PLSCR1: variants seen among roughly 807,000 people sequenced by gnomAD.
The protein encoded by PLSCR1 is phospholipid scramblase 1.
In PLSCR1, 17 loss-of-function variants were observed where a neutral mutation model predicts 37.8. That is an observed-to-expected ratio of 0.45 (90% confidence interval 0.31 to 0.68). PLSCR1 has a LOEUF of 0.68. Ranked by LOEUF, PLSCR1 falls within the 30% of genes least tolerant of loss-of-function variation. The pLI is 0.06. For synonymous variants in PLSCR1, 116 were observed against 125.9 expected (o/e 0.92, Z 0.53); for missense variants, 347 against 380.9 (o/e 0.91, Z 0.74).
At chr3:146,531,615 T>C (rs1454962468) in intron 3 of PLSCR1, among the ~76,000 whole-genome samples, 1 of 152,230 alleles carries the variant, frequency 6.6e-6, no homozygotes, top group African/African-American at 2.4e-5. Context: ...CTAGTATCAT[T>C]TATGTAAAGA....
intron 1 of PLSCR1, among the ~76,000 whole-genome samples, chr3:146,541,572 A>G (rs540279396): frequency 9.2e-5 from 14 of 152,322 alleles, no homozygotes; most frequent in African/African-American, 3.1e-4. Context: ...TCTCTAATTC[A>G]CTGAAAAAAG....
At chr3:146,529,581 C>A (rs9864107) in intron 3 of PLSCR1, among the ~76,000 whole-genome samples, 18,765 of 151,314 alleles carry the variant, frequency 0.12, 1,470 homozygotes, top group Non-Finnish European at 0.18. Flanking sequence ...GGCATCATCT[C>A]TGCTCACTGC....
intron 7 of PLSCR1, chr3:146,517,465 AT>A (rs1337411353): frequency 6.2e-6 from 1 of 161,474 alleles, no homozygotes; most frequent in African/African-American, 2.4e-5. Context: ...GCAAAAAAGG[AT>A]ATAAATATGA....
Position 146,515,880 on chromosome 3 carries a change from A to G in PLSCR1, c.*165T>C. On this transcript the variant is annotated 3_prime_UTR_variant, in exon 9 of 9. Coordinates refer to ENST00000342435, the MANE Select transcript of PLSCR1 (RefSeq NM_021105.3). Reference sequence around the variant, plus strand: ...GACAATGAGTATTAAAAAATGTACAAAAACCTTTATAAATCAGTTATACAG... The same window carrying G: ...GACAATGAGTATTAAAAAATGTACAGAAACCTTTATAAATCAGTTATACAG... The G allele has an allele frequency of 2.2e-6, 1 of 454,912 alleles. No homozygotes were observed. Among genetic ancestry groups the G allele is most frequent in the Non-Finnish European group, 3.9e-6 (1 of 254,120 alleles). The allele number at this position is 454,912 out of a possible 1,614,324, so 28.2% of individuals were successfully genotyped here.
chr3:146,528,607 A>G lies in PLSCR1; in HGVS notation c.312+7T>C. 6.2e-7 allele frequency: 1 copy of G among 1,607,714 alleles called. No homozygotes were observed. Among genetic ancestry groups the G allele is most frequent in the Non-Finnish European group, 8.5e-7 (1 of 1,174,134 alleles). ...TTTTTATGAGTATTTTGTGTCTTTG[A>G]AATTACCTGACTTAAATATTCTAAT... On this transcript the variant is annotated splice_region_variant and intron_variant, in intron 4 of 8. Transcript: ENST00000342435.
chr3:146,518,587 C>G (rs2043976979), intron 7 of PLSCR1, among the ~76,000 whole-genome samples: 1 of 151,942 alleles, frequency 6.6e-6, no homozygotes, highest in South Asian at 2.1e-4. Flanking sequence ...TTTTTTAATT[C>G]TGAAATTTAA....
chr3:146,525,728 T>G, intron 4 of PLSCR1, 81 bp from the exon 5 acceptor site: 1 of 649,028 alleles, frequency 1.5e-6, no homozygotes. Context: ...ATTCATGTAT[T>G]TATATTTTTA....
At chr3:146,541,737 T>G (rs898987633) in intron 1 of PLSCR1, among the ~76,000 whole-genome samples, 1 of 152,244 alleles carries the variant, frequency 6.6e-6, no homozygotes, top group Non-Finnish European at 1.5e-5. Context: ...GCTAAGTTCA[T>G]GTGTTGGAAA....
At chr3:146,518,406 C>A (rs1477247784) in intron 7 of PLSCR1, among the ~76,000 whole-genome samples, 1 of 152,172 alleles carries the variant, frequency 6.6e-6, no homozygotes, top group African/African-American at 2.4e-5. Context: ...CACCCATAAG[C>A]ATGAGTATAA....
At chr3:146,538,033 G>A (rs1019874106) in intron 1 of PLSCR1, 18 of 152,124 alleles carry the variant, frequency 1.2e-4, no homozygotes, top group Admixed American at 9.8e-4. Flanking sequence ...TTCAAAATGG[G>A]TTTATGTGGT....
chr3:146,521,799 A>G (rs1384064068), intron 6 of PLSCR1, 34 bp downstream of exon 6: 4 of 1,587,388 alleles, frequency 2.5e-6, no homozygotes, highest in Non-Finnish European at 3.5e-6. Context: ...TTGCTGAACT[A>G]TTTTACAAAG....
At chr3:146,526,738 T>C (rs1290817749) in intron 4 of PLSCR1, among the ~76,000 whole-genome samples, 2 of 152,038 alleles carry the variant, frequency 1.3e-5, no homozygotes, top group Non-Finnish European at 1.5e-5. Context: ...GGCAGCAACA[T>C]GGATGAGCCT....
At chr3:146,537,133 T>A (rs1018901217) in intron 1 of PLSCR1, among the ~76,000 whole-genome samples, 1 of 149,420 alleles carries the variant, frequency 6.7e-6, no homozygotes, top group African/African-American at 2.5e-5. Flanking sequence ...TTTTTTTTTT[T>A]AACCAGAAAA....
rs566049396 is a variant in PLSCR1 at position 146,532,665 on chromosome 3, A to G, written c.94+805T>C. Among the ~76,000 whole-genome samples the G allele has an allele frequency of 3.3e-5, 5 of 152,312 alleles. No homozygotes were observed. In the East Asian group the frequency reaches 9.6e-4, roughly 29 times the overall value. ...GAAAACACAGTGGGTACATCCTTCT[A>G]TCCAAACCACATTCCCTTTGGTCCT... On this transcript the variant is annotated intron_variant, in intron 3 of 8. Coordinates refer to ENST00000342435, the MANE Select transcript of PLSCR1 (RefSeq NM_021105.3).
Position 146,515,994 on chromosome 3 carries a change from C to T in PLSCR1, c.*51G>A. 8.7e-7 allele frequency: 1 copy of T among 1,146,314 alleles called. No individual in the cohort carries two copies. The highest frequency in any genetic ancestry group is 1.3e-6 in the Non-Finnish European group (1 of 757,616). 71.0% of individuals were successfully genotyped at this position (1,146,314 alleles called of 1,614,324 possible). On this transcript the variant is annotated 3_prime_UTR_variant, in exon 9 of 9. Coordinates refer to ENST00000342435, the MANE Select transcript of PLSCR1 (RefSeq NM_021105.3). ...TCATACAGGTATGAGTTTAGATAGT[C>T]TCAATCAATATACAGACTTCAGATT...
Position 146,516,050 on chromosome 3 carries a change from A to G in PLSCR1, c.952T>C (p.Trp318Arg). Residue 318 changes from tryptophan to arginine, a missense_variant, in exon 9 of 9, where the codon TGG becomes CGG. Transcript: ENST00000342435. ...TGSQEQKSGVW is the reference protein window; with the variant it reads ...TGSQEQKSGVR ...AGGAGACTTTCACTAATCCACTACCACACTCCTGATTTTTGTTCCTGGCTG... is the reference window on the plus strand; with the variant it reads ...AGGAGACTTTCACTAATCCACTACCGCACTCCTGATTTTTGTTCCTGGCTG... 1 of 1,604,392 alleles carries G rather than the reference A, an allele frequency of 6.2e-7. No individual in the cohort carries two copies. Among genetic ancestry groups the G allele is most frequent in the Non-Finnish European group, 8.5e-7 (1 of 1,171,984 alleles).
intron 1 of PLSCR1, among the ~76,000 whole-genome samples, chr3:146,541,614 A>G (rs1361733086): frequency 2.0e-5 from 3 of 152,206 alleles, no homozygotes; most frequent in Admixed American, 2.0e-4. Context: ...AAATTTGTTA[A>G]AAGACTCTTT....
intron 5 of PLSCR1, among the ~76,000 whole-genome samples, chr3:146,523,549 A>G (rs1362342503): frequency 6.6e-6 from 1 of 152,224 alleles, no homozygotes; most frequent in Non-Finnish European, 1.5e-5. Context: ...GAGGGAGTAA[A>G]AATGAAAGAT....
At chr3:146,520,457 T>C (rs889978936) in intron 7 of PLSCR1, among the ~76,000 whole-genome samples, 3 of 152,162 alleles carry the variant, frequency 2.0e-5, no homozygotes, top group African/African-American at 7.2e-5. Context: ...TGCATACCCT[T>C]ACATAAAATT....
Sources: gnomAD v4.1 joint callset for allele counts (sites outside exome capture counted in the v4.1 genomes callset) on GRCh38, gnomAD v4.1.1 for gene constraint, MANE v1.5 for transcripts, NCBI Gene and HGNC (gene_info 2026-07-23, HGNC 2026-07-21) for gene names.